The following VAT1L variants were observed in gnomAD, a reference collection of about 807,000 sequenced individuals.
VAT1L encodes the protein putative NADPH-dependent quinone oxidoreductase VAT1L.
A neutral mutation model predicts 44.1 loss-of-function variants in VAT1L; 34 were observed. The ratio of observed to expected loss-of-function variants is 0.77; its 90% confidence interval spans 0.59 to 1.03. The LOEUF (loss-of-function observed/expected upper bound fraction) is 1.03. Among genes scored for constraint, VAT1L ranks in the 50% least tolerant of loss-of-function variants. The probability of loss-of-function intolerance (pLI) is 0.00; values close to 1 mark genes in which losing one functional copy is unlikely to be tolerated. For synonymous variants in VAT1L, 253 were observed against 202.2 expected (o/e 1.25, Z -2.13); for missense variants, 615 against 538.8 (o/e 1.14, Z -1.40).
chr16:77,876,501 G>C, intron 5 of VAT1L, 28 bp downstream of exon 5: 1 of 1,598,370 alleles, frequency 6.3e-7, no homozygotes, highest in Non-Finnish European at 8.6e-7. Context: ...GCAGGGACGT[G>C]GTCAGCAATA....
chr16:77,966,320 G>A (rs1424878221), intron 7 of VAT1L, among the ~76,000 whole-genome samples: 1 of 152,178 alleles, frequency 6.6e-6, no homozygotes, highest in Non-Finnish European at 1.5e-5. Flanking sequence ...GTGTGAAGGG[G>A]TAAGTGCTTG....
chr16:77,805,657 C>T (rs1338318658), intron 1 of VAT1L, among the ~76,000 whole-genome samples: 1 of 151,092 alleles, frequency 6.6e-6, no homozygotes, highest in Non-Finnish European at 1.5e-5. Flanking sequence ...AGTTCCGAGG[C>T]AGAGGGCTGG....
intron 7 of VAT1L, among the ~76,000 whole-genome samples, chr16:77,902,821 A>G (rs1017699756): frequency 6.6e-6 from 1 of 151,728 alleles, no homozygotes; most frequent in Non-Finnish European, 1.5e-5. Flanking sequence ...ATACCACAAA[A>G]ACCTAGCTGG....
intron 3 of VAT1L, among the ~76,000 whole-genome samples, chr16:77,851,468 G>A (rs947133277): frequency 6.6e-6 from 1 of 152,076 alleles, no homozygotes; most frequent in African/African-American, 2.4e-5. Flanking sequence ...GGGCAACATA[G>A]TGAGACCCTG....
At chr16:77,865,813 T>TGGGAAGAGAAGG (rs1191300177) in intron 4 of VAT1L, among the ~76,000 whole-genome samples, 1 of 151,848 alleles carries the variant, frequency 6.6e-6, no homozygotes, top group Non-Finnish European at 1.5e-5. Flanking sequence ...ATGTGGGGAG[T>TGGGAAGAGAAGG]GGGAAGAGAA....
At chr16:77,878,418 T>C (rs546945485) in intron 5 of VAT1L, among the ~76,000 whole-genome samples, 1 of 152,280 alleles carries the variant, frequency 6.6e-6, no homozygotes, top group South Asian at 2.1e-4. Context: ...AGCACCTGTA[T>C]GGTATTTGAA....
intron 7 of VAT1L, among the ~76,000 whole-genome samples, chr16:77,946,920 A>T (rs1256645643): frequency 6.6e-6 from 1 of 152,350 alleles, no homozygotes; most frequent in African/African-American, 2.4e-5. Flanking sequence ...GCCTCTGAGC[A>T]GGAATGGAAA....
At chr16:77,822,770 AGCGAGCAGACCAGACTTT>A (rs2016473376) in intron 2 of VAT1L, among the ~76,000 whole-genome samples, 1 of 152,154 alleles carries the variant, frequency 6.6e-6, no homozygotes, top group Non-Finnish European at 1.5e-5. Context: ...CTTTTCTCAA[AGCGAGCAGACCAGACTTT>A]GCCTTGCTCT....
At chr16:77,947,900 C>T (rs971757283) in intron 7 of VAT1L, among the ~76,000 whole-genome samples, 2 of 152,142 alleles carry the variant, frequency 1.3e-5, no homozygotes, top group Non-Finnish European at 2.9e-5. Context: ...GCTAGGATTA[C>T]AGGCATGTGC....
chr16:77,876,181 T>C (rs545366348), intron 4 of VAT1L, among the ~76,000 whole-genome samples, 189 bp from the exon 5 acceptor site: 1 of 152,258 alleles, frequency 6.6e-6, no homozygotes, highest in South Asian at 2.1e-4. Context: ...TCCAGTTTTG[T>C]GAAATTTTTA....
chr16:77,837,339 C>G (rs969999648), intron 3 of VAT1L, among the ~76,000 whole-genome samples: 3 of 152,164 alleles, frequency 2.0e-5, no homozygotes, highest in Non-Finnish European at 4.4e-5. Flanking sequence ...GAAATTAAAC[C>G]CCAGGCTCCC....
chr16:77,838,092 C>T (rs1567483244), intron 3 of VAT1L, among the ~76,000 whole-genome samples: 1 of 152,190 alleles, frequency 6.6e-6, no homozygotes, highest in Non-Finnish European at 1.5e-5. Flanking sequence ...TTCCAAACAT[C>T]GCTTTCCTTG....
intron 1 of VAT1L, among the ~76,000 whole-genome samples, chr16:77,813,593 CT>C (rs2016303220): frequency 6.6e-6 from 1 of 152,222 alleles, no homozygotes; most frequent in Non-Finnish European, 1.5e-5. Context: ...GTTGGGTTGA[CT>C]CTGTTGCTGT....
At chr16:77,864,937 T>C (rs1273305127) in intron 4 of VAT1L, among the ~76,000 whole-genome samples, 1 of 151,744 alleles carries the variant, frequency 6.6e-6, no homozygotes. Flanking sequence ...ATTTGCCCAG[T>C]TCCATAGCTC....
At chr16:77,902,186 T>C (rs1276239673) in intron 7 of VAT1L, among the ~76,000 whole-genome samples, 1 of 152,236 alleles carries the variant, frequency 6.6e-6, no homozygotes, top group Non-Finnish European at 1.5e-5. Context: ...TGAGCTCATC[T>C]TATTCCTTTC....
intron 3 of VAT1L, among the ~76,000 whole-genome samples, chr16:77,845,381 G>T (rs2145263289): frequency 6.6e-6 from 1 of 152,296 alleles, no homozygotes; most frequent in East Asian, 1.9e-4. Flanking sequence ...CAGTTAGGAG[G>T]TGTGTTCTAT....
At position 77,803,215 on chromosome 16, in the gene VAT1L, A is replaced by G. The variant is rs960711720; in HGVS notation, c.234-13706A>G. Among the ~76,000 whole-genome samples, 5 of 152,090 alleles carry G rather than the reference A, an allele frequency of 3.3e-5. No homozygotes were observed. In the East Asian group the frequency reaches 9.6e-4, roughly 29 times the overall value. ...TCCTTAGGATCCATTAGACTTAAATATTACCTAACTAAAAGTTCAGTTCCT... is the reference window on the plus strand; with the variant it reads ...TCCTTAGGATCCATTAGACTTAAATGTTACCTAACTAAAAGTTCAGTTCCT... On this transcript the variant is annotated intron_variant, in intron 1 of 8. Coordinates refer to ENST00000302536, the MANE Select transcript of VAT1L (RefSeq NM_020927.3).
intron 7 of VAT1L, among the ~76,000 whole-genome samples, chr16:77,960,567 TG>T (rs1327138252): frequency 2.0e-5 from 3 of 152,168 alleles, no homozygotes; most frequent in African/African-American, 7.2e-5. Flanking sequence ...AAGGCAGGAA[TG>T]AAAGGGGAAA....
intron 4 of VAT1L, among the ~76,000 whole-genome samples, chr16:77,873,601 G>A (rs370573126): frequency 2.0e-5 from 3 of 152,140 alleles, no homozygotes; most frequent in Non-Finnish European, 1.5e-5. Flanking sequence ...GGTCCAAGGG[G>A]CTTAAATTTT....
Sources: gnomAD v4.1 joint callset for allele counts (sites outside exome capture counted in the v4.1 genomes callset) on GRCh38, gnomAD v4.1.1 for gene constraint, MANE v1.5 for transcripts, NCBI Gene and HGNC (gene_info 2026-07-23, HGNC 2026-07-21) for gene names.